The following SEC14L5 variants were observed in gnomAD, a reference collection of about 807,000 sequenced individuals.
SEC14L5 encodes SEC14-like protein 5.
A neutral mutation model predicts 84.6 loss-of-function variants in SEC14L5; 96 were observed. The ratio of observed to expected loss-of-function variants is 1.13; its 90% CI spans 0.96 to 1.34. SEC14L5 has a LOEUF of 1.34. Ranked by LOEUF, SEC14L5 falls within the 40% of genes most tolerant of loss-of-function variation. SEC14L5 has a pLI of 0.00. For synonymous variants in SEC14L5, 546 were observed against 383.4 expected (o/e 1.42, Z -4.95); for missense variants, 1,224 against 942.5 (o/e 1.30, Z -3.91).
chr16:4,963,074 G>C (rs1407126112), intron 2 of SEC14L5, among the ~76,000 whole-genome samples: 1 of 152,152 alleles, frequency 6.6e-6, no homozygotes, highest in Non-Finnish European at 1.5e-5. Flanking sequence ...CAGTTTTTCT[G>C]TTTAACAAAA....
intron 6 of SEC14L5, among the ~76,000 whole-genome samples, chr16:4,994,403 G>A (rs764229728): frequency 1.3e-5 from 2 of 151,980 alleles, no homozygotes; most frequent in African/African-American, 2.4e-5. Context: ...GAGTGCAGTG[G>A]TGTGATCTCA....
intron 2 of SEC14L5, among the ~76,000 whole-genome samples, chr16:4,983,783 A>G (rs1955454880): frequency 1.3e-5 from 2 of 151,860 alleles, no homozygotes; most frequent in Non-Finnish European, 2.9e-5. Flanking sequence ...AGGCTAAGGC[A>G]GGAGAATCGC....
rs1288072968 is a variant in SEC14L5, at chr16:5,016,375, G to T, written c.*1405G>T. The T allele has an allele frequency of 1.3e-5, 2 of 152,200 alleles. No homozygotes were observed. The highest frequency in any genetic ancestry group is 2.4e-5 in the African/African-American group (1 of 41,440). 9.4% of individuals were successfully genotyped at this position (152,200 alleles called of 1,614,324 possible). A position where few individuals can be genotyped will look rare whatever the true frequency, so the allele number is the denominator to read the frequency against. ...GTGTTGCTTTTTTGCCTTTAGAATGGTTTAAAAATTGAGGCATTTCGCATC... is the reference window on the plus strand; with the variant it reads ...GTGTTGCTTTTTTGCCTTTAGAATGTTTTAAAAATTGAGGCATTTCGCATC... On this transcript the variant is annotated 3_prime_UTR_variant, in exon 16 of 16. Coordinates refer to ENST00000251170, the MANE Select transcript of SEC14L5 (RefSeq NM_014692.2).
intron 2 of SEC14L5, among the ~76,000 whole-genome samples, chr16:4,971,004 G>A (rs4786570): frequency 0.73 from 110,242 of 151,652 alleles, 40,339 homozygotes; most frequent in Admixed American, 0.75. Flanking sequence ...GCTACGCGGG[G>A]GGCTGAGGCA....
chr16:5,007,548 G>C (rs1955745663), intron 13 of SEC14L5, 62 bp downstream of exon 13: 8 of 1,462,452 alleles, frequency 5.5e-6, no homozygotes. Flanking sequence ...TAGGTCAGGT[G>C]ACCCCAAAAC....
At chr16:4,959,995 A>G (rs1955100533) in intron 2 of SEC14L5, among the ~76,000 whole-genome samples, 1 of 152,104 alleles carries the variant, frequency 6.6e-6, no homozygotes, top group Non-Finnish European at 1.5e-5. Context: ...GGAAGCTGAC[A>G]CTGGGACGAG....
intron 2 of SEC14L5, among the ~76,000 whole-genome samples, chr16:4,962,189 GA>G (rs1373201132): frequency 2.7e-5 from 4 of 145,606 alleles, no homozygotes; most frequent in Non-Finnish European, 6.1e-5. Context: ...AAAAGAAAAA[GA>G]AAAAAAGAAA....
intron 13 of SEC14L5, 84 bp downstream of exon 13, chr16:5,007,570 T>C: frequency 9.0e-7 from 1 of 1,112,316 alleles, no homozygotes; most frequent in Non-Finnish European, 1.3e-6. Context: ...CAGCTTGAGA[T>C]GAGGATTCTT....
At chr16:5,000,351 G>A (rs779630015) in intron 8 of SEC14L5, among the ~76,000 whole-genome samples, 2 of 152,174 alleles carry the variant, frequency 1.3e-5, no homozygotes, top group Admixed American at 6.5e-5. Flanking sequence ...TGCCCAGGCT[G>A]GTCTCAAAAC....
intron 11 of SEC14L5, among the ~76,000 whole-genome samples, chr16:5,004,417 A>T (rs1273051672): frequency 3.3e-5 from 5 of 152,222 alleles, no homozygotes; most frequent in Non-Finnish European, 1.5e-5. Context: ...CCTGGCTGGA[A>T]GTGGACCTCA....
chr16:4,987,568 G>C lies in SEC14L5; in HGVS notation c.75G>C (p.Lys25Asn). The C allele has an allele frequency of 6.4e-7, 1 of 1,557,526 alleles. No homozygotes were observed. Among genetic ancestry groups the C allele is most frequent in the Non-Finnish European group, 8.7e-7 (1 of 1,152,100 alleles). ...PFELVMAAYE[K>N]RFPTCPQIPV... ...CGCTCTGCCCCCAGGCCTACGAGAAGCGTTTCCCCACGTGCCCACAGATCC... is the reference window on the plus strand; with the variant it reads ...CGCTCTGCCCCCAGGCCTACGAGAACCGTTTCCCCACGTGCCCACAGATCC... Residue 25 changes from lysine to asparagine, a missense_variant, in exon 3 of 16, where the codon AAG becomes AAC. Coordinates refer to ENST00000251170, the MANE Select transcript of SEC14L5 (RefSeq NM_014692.2).
chr16:4,973,060 T>C (rs9925477), intron 2 of SEC14L5, among the ~76,000 whole-genome samples: 1 of 152,020 alleles, frequency 6.6e-6, no homozygotes, highest in African/African-American at 2.4e-5. Flanking sequence ...GCAGTTGTGA[T>C]GTGTGAAGGA....
rs142132354 is a variant in SEC14L5 at position 4,972,191 on chromosome 16, A to G, written c.63+12805A>G. 5.8e-4 allele frequency among the ~76,000 whole-genome samples: 88 copies of G among 152,176 alleles called. No individual in the cohort carries two copies. In the Middle Eastern group the frequency reaches 0.01, roughly 18 times the overall value. On this transcript the variant is annotated intron_variant, in intron 2 of 15. Coordinates refer to ENST00000251170, the MANE Select transcript of SEC14L5 (RefSeq NM_014692.2). ...TAATTTTAAAATATTTTGTGGAGAT[A>G]GGGGTTTTGCTGTGTTGCCCAGGCT...
chr16:4,976,459 G>A (rs1368639207), intron 2 of SEC14L5, among the ~76,000 whole-genome samples: 1 of 152,212 alleles, frequency 6.6e-6, no homozygotes, highest in East Asian at 1.9e-4. Flanking sequence ...TATTTCAGTA[G>A]TTGTGATGTA....
At chr16:5,007,266 TG>T (rs373900623) in intron 12 of SEC14L5, 85 bp from the exon 13 acceptor site, 4 of 1,318,932 alleles carry the variant, frequency 3.0e-6, no homozygotes, top group Non-Finnish European at 3.2e-6. Context: ...TGAGTGGCTT[TG>T]GGGGTCACAC....
intron 2 of SEC14L5, among the ~76,000 whole-genome samples, chr16:4,962,708 A>AAC (rs372004125): frequency 3.3e-5 from 5 of 149,464 alleles, no homozygotes; most frequent in Admixed American, 2.0e-4. Flanking sequence ...AAAAAAAAAA[A>AAC]CTTCCTTATC....
intron 2 of SEC14L5, among the ~76,000 whole-genome samples, chr16:4,965,922 G>A (rs1955195347): frequency 6.6e-6 from 1 of 151,910 alleles, no homozygotes; most frequent in Non-Finnish European, 1.5e-5. Context: ...TACACCTGCA[G>A]TCCCAGCTAC....
At chr16:5,010,275 A>G (rs1955784379) in intron 14 of SEC14L5, among the ~76,000 whole-genome samples, 1 of 150,890 alleles carries the variant, frequency 6.6e-6, no homozygotes, top group Non-Finnish European at 1.5e-5. Flanking sequence ...AAGGCAGGAG[A>G]ATCGCTTGAA....
chr16:4,982,920 A>T (rs1955441428), intron 2 of SEC14L5, among the ~76,000 whole-genome samples: 2 of 152,148 alleles, frequency 1.3e-5, no homozygotes, highest in Non-Finnish European at 2.9e-5. Flanking sequence ...CTGAATATTT[A>T]CATGAACATA....
Sources: allele counts gnomAD v4.1 joint callset (sites outside exome capture counted in the v4.1 genomes callset), GRCh38; gene constraint gnomAD v4.1.1; transcripts MANE v1.5; gene names NCBI Gene and HGNC (gene_info 2026-07-23, HGNC 2026-07-21).